RBM39: variants seen among roughly 807,000 people sequenced by gnomAD.
The protein encoded by RBM39 is RNA-binding protein 39.
In RBM39, 12 loss-of-function variants were observed where a neutral mutation model predicts 79.6. The ratio of observed to expected loss-of-function variants is 0.15; its 90% CI spans 0.10 to 0.24. The LOEUF is 0.24. Ranked by LOEUF, RBM39 falls within the 10% of genes least tolerant of loss-of-function variation. The pLI is 1.00. For synonymous variants in RBM39, 185 were observed against 208.4 expected (o/e 0.89, Z 0.97); for missense variants, 243 against 653.4 (o/e 0.37, Z 6.85).
chr20:35,720,766 T>TG (rs1248201829), intron 9 of RBM39, among the ~76,000 whole-genome samples: 1 of 152,164 alleles, frequency 6.6e-6, no homozygotes, highest in Non-Finnish European at 1.5e-5. Context: ...AATAAGACTC[T>TG]GTCTCAAAAA....
chr20:35,728,646 A>T (rs2039025719), intron 6 of RBM39, among the ~76,000 whole-genome samples: 1 of 152,048 alleles, frequency 6.6e-6, no homozygotes, highest in African/African-American at 2.4e-5. Flanking sequence ...GCATTGTGGC[A>T]CATGCCTGTA....
chr20:35,737,778 G>A (rs111403680), intron 3 of RBM39, among the ~76,000 whole-genome samples: 1 of 149,850 alleles, frequency 6.7e-6, no homozygotes, highest in African/African-American at 2.5e-5. Flanking sequence ...GAACCCAGGA[G>A]GCGGAGCTTG....
chr20:35,709,956 A>G (rs2036193685), intron 12 of RBM39, among the ~76,000 whole-genome samples: 1 of 152,196 alleles, frequency 6.6e-6, no homozygotes, highest in Non-Finnish European at 1.5e-5. Context: ...TAGGAAAATG[A>G]AAACATCTAA....
intron 11 of RBM39, chr20:35,713,697 A>AAAAAAAAAAC (rs2036759294): frequency 7.7e-6 from 1 of 130,162 alleles, no homozygotes; most frequent in Non-Finnish European, 1.6e-5. Flanking sequence ...AAAAAAAAAA[A>AAAAAAAAAAC]CCACCACAGA....
Position 35,724,567 on chromosome 20 carries a change from T to C in RBM39, c.687+3A>G, listed in dbSNP as rs1035151580. 2.5e-6 allele frequency: 4 copies of C among 1,611,142 alleles called. No individual in the cohort carries two copies. Among genetic ancestry groups the C allele is most frequent in the Non-Finnish European group, 3.4e-6 (4 of 1,179,168 alleles). ...TCAAACTCTTAACCAACAAAAAAAT[T>C]ACCTGTGATGCCTGTACTATGATTG... is the stretch of plus-strand genomic sequence containing the variant. On this transcript the variant is annotated splice_donor_region_variant and intron_variant, in intron 8 of 16. Transcript: ENST00000253363.
intron 9 of RBM39, among the ~76,000 whole-genome samples, chr20:35,720,868 T>C (rs1425888919): frequency 6.6e-6 from 1 of 152,170 alleles, no homozygotes; most frequent in Non-Finnish European, 1.5e-5. Context: ...CCACTGAAGA[T>C]TTCAACAGAC....
At chr20:35,738,277 G>GA (rs930287839) in intron 3 of RBM39, among the ~76,000 whole-genome samples, 158 of 145,270 alleles carry the variant, frequency 1.1e-3, no homozygotes, top group African/African-American at 2.4e-3. Flanking sequence ...CACAAGAAAA[G>GA]AAAAAAAAAA....
Position 35,732,147 on chromosome 20 carries a change from A to G in RBM39, c.102-12T>C. 4 of 1,613,600 alleles carry G rather than the reference A, an allele frequency of 2.5e-6. No individual in the cohort carries two copies. The highest frequency in any genetic ancestry group is 3.4e-6 in the Non-Finnish European group (4 of 1,179,806). On this transcript the variant is annotated splice_polypyrimidine_tract_variant and intron_variant, in intron 3 of 16. Coordinates refer to ENST00000253363, the MANE Select transcript of RBM39 (RefSeq NM_184234.3). ...TGCTTTTTTTCCTCCTGAGAAGAAA[A>G]AAACTCGCCATTATCATGCTGGCTT...
intron 10 of RBM39, among the ~76,000 whole-genome samples, chr20:35,715,950 C>G (rs1197982150): frequency 6.6e-6 from 1 of 152,166 alleles, no homozygotes; most frequent in Non-Finnish European, 1.5e-5. Context: ...TTGCGAAGCA[C>G]AAGTAACAGC....
chr20:35,724,030 A>T (rs998498029), intron 8 of RBM39, among the ~76,000 whole-genome samples: 1 of 151,922 alleles, frequency 6.6e-6, no homozygotes, highest in Admixed American at 6.6e-5. Flanking sequence ...AACAGAAGTG[A>T]GACCCTATCT....
chr20:35,735,193 G>C, intron 3 of RBM39: 2 of 1,337,900 alleles, frequency 1.5e-6, no homozygotes, highest in Non-Finnish European at 1.9e-6. Context: ...ATCTTTTATT[G>C]AGTAATTCTC....
chr20:35,739,640 A>G, intron 2 of RBM39: 3 of 428,132 alleles, frequency 7.0e-6, no homozygotes, highest in Non-Finnish European at 1.5e-5. Flanking sequence ...CAGCCTAAAC[A>G]TTTCCTACTT....
At chr20:35,723,102 C>T (rs1036201937) in intron 8 of RBM39, among the ~76,000 whole-genome samples, 1 of 151,850 alleles carries the variant, frequency 6.6e-6, no homozygotes, top group Non-Finnish European at 1.5e-5. Context: ...CACTAAAATA[C>T]TCTTGAGATT....
intron 9 of RBM39, 151 bp downstream of exon 9, chr20:35,721,589 A>C (rs1600497693): frequency 4.9e-6 from 4 of 811,794 alleles, no homozygotes. Context: ...GACCTATTTT[A>C]ATCTATGTTG....
At chr20:35,706,233 A>AAGGCATG (rs2035713489) in intron 14 of RBM39, among the ~76,000 whole-genome samples, 1 of 152,062 alleles carries the variant, frequency 6.6e-6, no homozygotes. Context: ...AGCTACTCGA[A>AAGGCATG]AGGCATGAGA....
intron 4 of RBM39, 58 bp downstream of exon 4, chr20:35,731,883 G>A: frequency 2.1e-6 from 3 of 1,423,176 alleles, no homozygotes; most frequent in Non-Finnish European, 2.9e-6. Context: ...AAGTTAAACT[G>A]CCATCTGAAT....
At chr20:35,705,456 C>G in intron 14 of RBM39, 126 bp from the exon 15 acceptor site, 1 of 600,110 alleles carries the variant, frequency 1.7e-6, no homozygotes, top group Non-Finnish European at 2.8e-6. Context: ...AGCACATTGA[C>G]AGAACGTCTC....
intron 2 of RBM39, chr20:35,740,086 C>CTAATTAAAATAAAAACAAT (rs1488633715): frequency 6.4e-6 from 1 of 156,184 alleles, no homozygotes; most frequent in Non-Finnish European, 1.4e-5. Flanking sequence ...ATGGTAGGGC[C>CTAATTAAAATAAAAACAAT]TAATTAAAAA....
chr20:35,710,565 CT>C (rs1236257867), intron 12 of RBM39: 1 of 152,026 alleles, frequency 6.6e-6, no homozygotes, highest in Admixed American at 6.6e-5. Flanking sequence ...GGACTCTAAC[CT>C]ATTTTAGAAA....
Sources: gnomAD v4.1 joint callset for allele counts (sites outside exome capture counted in the v4.1 genomes callset) on GRCh38, gnomAD v4.1.1 for gene constraint, MANE v1.5 for transcripts, NCBI Gene and HGNC (gene_info 2026-07-23, HGNC 2026-07-21) for gene names.